TBCD: variants seen among roughly 807,000 people sequenced by gnomAD.
TBCD encodes the protein tubulin-specific chaperone D.
In TBCD, 105 loss-of-function variants were observed where a neutral mutation model predicts 169.3. That is an observed-to-expected ratio of 0.62 (90% CI 0.53 to 0.73). TBCD has a LOEUF of 0.73. TBCD is among the 30% of genes least tolerant of loss of function. The pLI is 0.00. For missense variants in TBCD, 1,444 were observed against 1,600.1 expected (o/e 0.90, Z 1.66); for synonymous variants, 700 against 643.9 (o/e 1.09, Z -1.32).
chr17:82,780,286 C>G (rs921421016), intron 6 of TBCD, among the ~76,000 whole-genome samples: 1 of 151,804 alleles, frequency 6.6e-6, no homozygotes, highest in Non-Finnish European at 1.5e-5. Flanking sequence ...CATGCCCTCC[C>G]GTTTCCTTCG....
At chr17:82,865,843 T>C (rs1282273143) in intron 13 of TBCD, among the ~76,000 whole-genome samples, 1 of 152,224 alleles carries the variant, frequency 6.6e-6, no homozygotes, top group Non-Finnish European at 1.5e-5. Flanking sequence ...TTAAGTTGTT[T>C]CTGTCACCTG....
chr17:82,792,397 A>T (rs534906895), intron 7 of TBCD, among the ~76,000 whole-genome samples: 1 of 152,180 alleles, frequency 6.6e-6, no homozygotes, highest in Admixed American at 6.5e-5. Flanking sequence ...ATATGTATAT[A>T]TAAAATCCTT....
chr17:82,764,811 G>C (rs1374437673), intron 3 of TBCD, among the ~76,000 whole-genome samples: 1 of 111,328 alleles, frequency 9.0e-6, no homozygotes, highest in African/African-American at 4.7e-5. Context: ...GCTTGCGGGT[G>C]TCTGTGCTCA....
At chr17:82,826,311 T>A (rs2052844491) in intron 13 of TBCD, among the ~76,000 whole-genome samples, 1 of 152,176 alleles carries the variant, frequency 6.6e-6, no homozygotes, top group African/African-American at 2.4e-5. Flanking sequence ...TTTAAAAAAT[T>A]ATGAGTACAG....
intron 1 of TBCD, among the ~76,000 whole-genome samples, chr17:82,753,861 A>G (rs1298852598): frequency 7.4e-6 from 1 of 134,456 alleles, no homozygotes; most frequent in Admixed American, 7.6e-5. Flanking sequence ...GGGAGACTAG[A>G]CTAGAGGTTT....
intron 13 of TBCD, among the ~76,000 whole-genome samples, chr17:82,837,671 T>C (rs1269946560): frequency 6.6e-6 from 1 of 152,146 alleles, no homozygotes; most frequent in Non-Finnish European, 1.5e-5. Context: ...CTCCTCTCAT[T>C]TCCCACTGGA....
chr17:82,909,726 G>A (rs1447112557), intron 22 of TBCD, among the ~76,000 whole-genome samples: 1 of 152,148 alleles, frequency 6.6e-6, no homozygotes, highest in Non-Finnish European at 1.5e-5. Flanking sequence ...TGTGGGAGGC[G>A]CGTGAGGTTC....
rs1345239400 is a variant in TBCD at position 82,800,887 on chromosome 17, G to A, written c.841G>A (p.Asp281Asn). Residue 281 changes from aspartate to asparagine, a missense_variant, in exon 9 of 39, where the codon GAT (aspartate) becomes AAT (asparagine). By Grantham distance (23) the Asp-to-Asn change is conservative (BLOSUM62 1). Transcript: ENST00000355528. ...PYAATVLRCL[D>N]GCRLPESNQT... ...AGCTGCCACTGTCCTCAGGTGCCTC[G>A]ATGGCTGCAGACTCCCTGAGAGCAA... The A allele has an allele frequency of 4.3e-6, 7 of 1,612,532 alleles. No individual in the cohort carries two copies. The highest frequency in any genetic ancestry group is 2.7e-5 in the African/African-American group (2 of 74,846).
chr17:82,794,447 C>T (rs992339479), intron 7 of TBCD, among the ~76,000 whole-genome samples: 9 of 152,212 alleles, frequency 5.9e-5, no homozygotes, highest in African/African-American at 1.9e-4. Context: ...TCCTCTAATC[C>T]CTGGTGTCAT....
At chr17:82,896,814 C>T (rs1252609950) in intron 17 of TBCD, among the ~76,000 whole-genome samples, 3 of 152,094 alleles carry the variant, frequency 2.0e-5, no homozygotes, top group Admixed American at 6.6e-5. Flanking sequence ...TGGTGCCACG[C>T]GCCCCCGGTG....
intron 5 of TBCD, 69 bp downstream of exon 5, chr17:82,768,635 G>C: frequency 2.6e-6 from 4 of 1,549,044 alleles, no homozygotes; most frequent in Non-Finnish European, 2.6e-6. Flanking sequence ...CTTGATGTTA[G>C]TGGTTTACTC....
intron 22 of TBCD, among the ~76,000 whole-genome samples, 177 bp from the exon 23 acceptor site, chr17:82,911,581 T>G (rs1039089309): frequency 2.0e-5 from 3 of 152,262 alleles, no homozygotes; most frequent in Non-Finnish European, 4.4e-5. Context: ...CTCTGGAAGA[T>G]GGCTGTACCA....
At chr17:82,934,864 C>G (rs1188638141) in intron 34 of TBCD, among the ~76,000 whole-genome samples, 2 of 152,076 alleles carry the variant, frequency 1.3e-5, no homozygotes, top group Non-Finnish European at 2.9e-5. Context: ...TTTGGGAGGC[C>G]AAGGCGAGTG....
chr17:82,876,869 T>A, intron 14 of TBCD: 1 of 633,138 alleles, frequency 1.6e-6, no homozygotes. Context: ...TGCTGAGTAC[T>A]GCCGGGAGAG....
At chr17:82,816,418 A>C (rs963374640) in intron 13 of TBCD, among the ~76,000 whole-genome samples, 12 of 152,196 alleles carry the variant, frequency 7.9e-5, no homozygotes, top group African/African-American at 2.9e-4. Flanking sequence ...TCATACGGTA[A>C]CTCCACGTTT....
At chr17:82,919,129 C>CG (rs35131695) in intron 23 of TBCD, among the ~76,000 whole-genome samples, 1,825 of 151,784 alleles carry the variant, frequency 0.012, 31 homozygotes, top group African/African-American at 0.039. Flanking sequence ...AAGTAGTTTA[C>CG]GGGGGGGGCC....
chr17:82,896,456 T>G (rs1450778517), intron 17 of TBCD, among the ~76,000 whole-genome samples: 2 of 123,862 alleles, frequency 1.6e-5, no homozygotes, highest in Non-Finnish European at 3.4e-5. Context: ...GCTGTCAGTT[T>G]TTTTTTTTTT....
intron 2 of TBCD, among the ~76,000 whole-genome samples, chr17:82,758,781 T>A (rs1555672838): frequency 6.8e-6 from 1 of 147,442 alleles, no homozygotes; most frequent in African/African-American, 2.5e-5. Flanking sequence ...TGCCTCAGCC[T>A]CCAGCGTAGC....
At chr17:82,908,734 A>G (rs1439970559) in intron 21 of TBCD, among the ~76,000 whole-genome samples, 1 of 152,188 alleles carries the variant, frequency 6.6e-6, no homozygotes, top group Non-Finnish European at 1.5e-5. Context: ...TGGCCTCCCC[A>G]CTGACGCTGA....
Sources: allele counts gnomAD v4.1 joint callset (sites outside exome capture counted in the v4.1 genomes callset), GRCh38; gene constraint gnomAD v4.1.1; transcripts MANE v1.5; gene names NCBI Gene and HGNC (gene_info 2026-07-23, HGNC 2026-07-21).